Variants in CEMIP observed in about 807,000 individuals in gnomAD.
The protein encoded by CEMIP is cell migration inducing hyaluronidase 1, also known as cell migration-inducing and hyaluronan-binding protein.
CEMIP carries 105 observed loss-of-function variants against 156.9 expected under a neutral mutation model. That is an observed-to-expected ratio of 0.67 (90% CI 0.57 to 0.79). CEMIP has a LOEUF of 0.79. CEMIP is among the 30% of genes least tolerant of loss of function. CEMIP has a pLI of 0.00. For missense variants in CEMIP, 1,457 were observed against 1,769.4 expected, an observed-to-expected ratio of 0.82 and a Z score of 3.17; for synonymous variants, 676 against 668.4, an observed-to-expected ratio of 1.01 and a Z score of -0.17.
intron 1 of CEMIP, among the ~76,000 whole-genome samples, chr15:80,857,511 T>C (rs1310178956): frequency 6.6e-6 from 1 of 152,108 alleles, no homozygotes; most frequent in Admixed American, 6.5e-5. Context: ...AAGCCAGCAG[T>C]TCTGACTCCT....
chr15:80,832,229 G>A (rs1447618718), intron 1 of CEMIP, among the ~76,000 whole-genome samples: 1 of 151,978 alleles, frequency 6.6e-6, no homozygotes. Context: ...CTACAGCCAT[G>A]GCTAAAAGTA....
chr15:80,840,135 T>C (rs1897365907), intron 1 of CEMIP, among the ~76,000 whole-genome samples: 2 of 152,106 alleles, frequency 1.3e-5, no homozygotes, highest in South Asian at 2.1e-4. Flanking sequence ...AGTCCCAAGG[T>C]GCTTCCTAGG....
In CEMIP at chr15:80,937,956, C is replaced by T; in HGVS notation, c.3384C>T (p.His1128=). Residue 1128 remains histidine (H), a synonymous_variant, in exon 25 of 30, where the codon CAC becomes CAT. Coordinates refer to ENST00000394685, the MANE Select transcript of CEMIP (RefSeq NM_001293298.2). The stretch of plus-strand genomic sequence containing the variant: ...AGCAGAGCTACCCTGGCAGGAGCCA[C>T]TACTACTGGGACGAGGACTCAGGGT... ...KVEQSYPGRS[H]YYWDEDSGLL... is the part of the protein sequence containing the mutation. 4 of 1,614,146 alleles carry T rather than the reference C, an allele frequency of 2.5e-6. No individual in the cohort carries two copies. In the South Asian group the frequency reaches 4.4e-5, roughly 18 times the overall value.
Position 80,889,463 on chromosome 15 carries a change from CT to C in CEMIP, c.965-7del. On this transcript the variant is annotated splice_polypyrimidine_tract_variant and splice_region_variant and intron_variant, in intron 9 of 29. Transcript: ENST00000394685. ...CCTGTCTGACTGTGCTGTTTGCTTT[CT>C]GCCTAGACGTGGAGTGGACGGAGTG... The C allele has an allele frequency of 3.1e-6, 5 of 1,614,006 alleles. No homozygotes were observed. Among genetic ancestry groups the C allele is most frequent in the Non-Finnish European group, 4.2e-6 (5 of 1,179,918 alleles).
chr15:80,799,155 T>A (rs1162387597), intron 1 of CEMIP, among the ~76,000 whole-genome samples: 2 of 152,234 alleles, frequency 1.3e-5, no homozygotes, highest in Admixed American at 1.3e-4. Flanking sequence ...ACAGATTCCA[T>A]CTTAGCAGAC....
chr15:80,916,488 A>G (rs1567099462), intron 14 of CEMIP, among the ~76,000 whole-genome samples: 1 of 152,194 alleles, frequency 6.6e-6, no homozygotes, highest in Non-Finnish European at 1.5e-5. Context: ...GAGAACTTAC[A>G]TATTACTTCT....
intron 8 of CEMIP, among the ~76,000 whole-genome samples, chr15:80,887,967 T>C (rs1898905940): frequency 6.6e-6 from 1 of 152,222 alleles, no homozygotes; most frequent in Non-Finnish European, 1.5e-5. Context: ...CTTGCAGTAA[T>C]ATTTCCCTTT....
intron 1 of CEMIP, among the ~76,000 whole-genome samples, chr15:80,854,593 A>G (rs1018021089): frequency 6.6e-6 from 1 of 152,238 alleles, no homozygotes; most frequent in Admixed American, 6.5e-5. Flanking sequence ...ACAGCTAACA[A>G]TGGAAAACAA....
intron 1 of CEMIP, among the ~76,000 whole-genome samples, chr15:80,828,069 GTTTTCCCCAAGACTTC>G (rs1897078001): frequency 6.6e-6 from 1 of 152,176 alleles, no homozygotes; most frequent in African/African-American, 2.4e-5. Context: ...AAGTGCTTTG[GTTTTCCCCAAGACTTC>G]TTAAGAATGC....
chr15:80,807,509 G>A (rs1451259223), intron 1 of CEMIP, among the ~76,000 whole-genome samples: 1 of 152,210 alleles, frequency 6.6e-6, no homozygotes, highest in Non-Finnish European at 1.5e-5. Flanking sequence ...ACAGACATGA[G>A]CCACCACACC....
intron 1 of CEMIP, among the ~76,000 whole-genome samples, chr15:80,795,144 C>A (rs1413963269): frequency 2.6e-5 from 4 of 152,060 alleles, no homozygotes; most frequent in South Asian, 2.1e-4. Flanking sequence ...GGAAGGGGAT[C>A]ATGCAGCATC....
intron 19 of CEMIP, among the ~76,000 whole-genome samples, chr15:80,927,280 C>T (rs1240170223): frequency 6.6e-6 from 1 of 152,158 alleles, no homozygotes; most frequent in Non-Finnish European, 1.5e-5. Context: ...AAGTGATAGG[C>T]ATGAAGCAGG....
intron 1 of CEMIP, among the ~76,000 whole-genome samples, chr15:80,817,601 A>G (rs569502285): frequency 8.5e-5 from 8 of 93,638 alleles, no homozygotes; most frequent in African/African-American, 3.5e-4. Context: ...ACCCTGTCTC[A>G]AAATAATAAT....
At chr15:80,942,669 G>C (rs1420571377) in intron 27 of CEMIP, among the ~76,000 whole-genome samples, 1 of 152,150 alleles carries the variant, frequency 6.6e-6, no homozygotes, top group Non-Finnish European at 1.5e-5. Context: ...AAATCCAGAA[G>C]GTTTAATCAA....
At chr15:80,825,828 T>C (rs1897023944) in intron 1 of CEMIP, among the ~76,000 whole-genome samples, 1 of 152,164 alleles carries the variant, frequency 6.6e-6, no homozygotes, top group South Asian at 2.1e-4. Context: ...GATCTGCAGA[T>C]AGCTCTCCTG....
intron 11 of CEMIP, 88 bp downstream of exon 11, chr15:80,895,210 G>T: frequency 6.4e-7 from 1 of 1,560,206 alleles, no homozygotes; most frequent in Non-Finnish European, 8.8e-7. Flanking sequence ...AGACCTCTCA[G>T]TGAGACAGTG....
At chr15:80,897,086 G>C (rs1899257450) in intron 12 of CEMIP, among the ~76,000 whole-genome samples, 1 of 152,162 alleles carries the variant, frequency 6.6e-6, no homozygotes, top group African/African-American at 2.4e-5. Context: ...TGGATAAATG[G>C]CTGTTCCGCA....
intron 1 of CEMIP, among the ~76,000 whole-genome samples, chr15:80,806,208 A>G (rs1488494714): frequency 6.6e-6 from 1 of 152,188 alleles, no homozygotes; most frequent in Non-Finnish European, 1.5e-5. Context: ...ACTTAATTCT[A>G]ATTACTGTGA....
At position 80,924,500 on chromosome 15, in the gene CEMIP, A is replaced by G. The variant is rs1224954850; in HGVS notation, c.2203-121A>G. ...GTAGATCCTCTACTTCTGTTGATGC[A>G]GCCTGAGAACAGAGCTGGTTTTCCC... On this transcript the variant is annotated intron_variant, in intron 17 of 29. Transcript: ENST00000394685. The G allele has an allele frequency of 1.3e-5, 11 of 828,316 alleles. No homozygotes were observed. The East Asian group carries it at 2.4e-4, about 18-fold the overall frequency. The allele number at this position is 828,316 out of a possible 1,614,324, so 51.3% of individuals were successfully genotyped here.
Sources: gnomAD v4.1 joint callset for allele counts (sites outside exome capture counted in the v4.1 genomes callset) on GRCh38, gnomAD v4.1.1 for gene constraint, MANE v1.5 for transcripts, NCBI Gene and HGNC (gene_info 2026-07-23, HGNC 2026-07-21) for gene names.